NTNG2: variants seen among roughly 807,000 people sequenced by gnomAD.
NTNG2 encodes netrin-G2.
A neutral mutation model predicts 47.6 loss-of-function variants in NTNG2; 15 were observed. The observed-to-expected ratio is 0.32, with a 90% CI of 0.21 to 0.49. NTNG2 has a LOEUF of 0.49. Among genes scored for constraint, NTNG2 ranks in the 20% least tolerant of loss-of-function variants. NTNG2 has a pLI of 0.99. For missense variants in NTNG2, 578 were observed against 764.6 expected (o/e 0.76, Z 2.88); for synonymous variants, 307 against 324.6 (o/e 0.95, Z 0.58).
chr9:132,240,833 G>A, intron 6 of NTNG2, 77 bp from the exon 7 acceptor site: 1 of 1,599,340 alleles, frequency 6.3e-7, no homozygotes, highest in South Asian at 1.1e-5. Flanking sequence ...CTCCCTGCGA[G>A]GCCGGGAGAG....
Position 132,166,778 on chromosome 9 carries a change from C to G in NTNG2, c.-54C>G. On this transcript the variant is annotated 5_prime_UTR_variant, in exon 2 of 8. Transcript: ENST00000393229. ...TGAGGCCGCGAGTCCCGCCTGACCCCGTCGCTGCCTCTCCAGGGCTTCTCT... is the reference window on the plus strand; with the variant it reads ...TGAGGCCGCGAGTCCCGCCTGACCCGGTCGCTGCCTCTCCAGGGCTTCTCT... 2.6e-6 allele frequency: 4 copies of G among 1,565,178 alleles called. No homozygotes were observed. The highest frequency in any genetic ancestry group is 3.5e-6 in the Non-Finnish European group (4 of 1,140,518).
rs890407426 is a variant in NTNG2 at position 132,162,692 on chromosome 9, C to T, written c.-484+453C>T. On this transcript the variant is annotated intron_variant, in intron 1 of 7. Transcript: ENST00000393229. The surrounding 1 kb of genome is among the most constrained non-coding windows in gnomAD (Gnocchi z 4.6). ...TAACCCTGCTCCCGCGCCTCTCCCC[C>T]ACCCCAATTCCACCGCCACCGCTTA... Among the ~76,000 whole-genome samples the T allele has an allele frequency of 6.6e-6, 1 of 151,730 alleles. No individual in the cohort carries two copies. The highest frequency in any genetic ancestry group is 2.4e-5 in the African/African-American group (1 of 41,280).
At chr9:132,211,798 C>T (rs1186033632) in intron 3 of NTNG2, among the ~76,000 whole-genome samples, 1 of 152,198 alleles carries the variant, frequency 6.6e-6, no homozygotes, top group Non-Finnish European at 1.5e-5. Flanking sequence ...TGCACGTACA[C>T]GTCTGACACC....
intron 3 of NTNG2, among the ~76,000 whole-genome samples, chr9:132,219,341 A>G (rs554848588): frequency 2.0e-5 from 3 of 152,246 alleles, no homozygotes; most frequent in African/African-American, 4.8e-5. Flanking sequence ...GGGAGGCCCA[A>G]CTGGGAGGAT....
chr9:132,241,522 G>A (rs954926126), intron 7 of NTNG2: 1 of 351,218 alleles, frequency 2.8e-6, no homozygotes, highest in Non-Finnish European at 5.2e-6. Context: ...CGGGGACAGA[G>A]GGAGGGAGGC....
intron 2 of NTNG2, among the ~76,000 whole-genome samples, chr9:132,188,168 G>A (rs561851096): frequency 3.9e-5 from 6 of 152,328 alleles, no homozygotes; most frequent in African/African-American, 1.4e-4. Flanking sequence ...CCCCGTGCTC[G>A]AGTCCTGGCC....
chr9:132,216,408 CTCTCTCTGTGTGTGTGTGTATG>C (rs1476418715), intron 3 of NTNG2, among the ~76,000 whole-genome samples: 23 of 94,586 alleles, frequency 2.4e-4, no homozygotes, highest in African/African-American at 1.2e-3. Flanking sequence ...CTCTCTCTCT[CTCTCTCTGTGTGTGTGTGTATG>C]TGTGTGTGTG....
Position 132,208,617 on chromosome 9 carries a change from C to T in NTNG2, c.857+10008C>T, listed in dbSNP as rs1366372394. 6.6e-6 allele frequency among the ~76,000 whole-genome samples: 1 copy of T among 151,854 alleles called. No homozygotes were observed. The highest frequency in any genetic ancestry group is 2.4e-5 in the African/African-American group (1 of 41,318). On this transcript the variant is annotated intron_variant, in intron 3 of 7. Transcript: ENST00000393229. The surrounding 1 kb of genome is among the most constrained non-coding windows in gnomAD (Gnocchi z 4.0). Reference sequence around the variant, plus strand: ...GCTGATGGGAGCAGGCGGTGGGAGGCATCATGGAGGACTCCCAGGCATCTG... The same window carrying T: ...GCTGATGGGAGCAGGCGGTGGGAGGTATCATGGAGGACTCCCAGGCATCTG...
At chr9:132,209,412 A>C (rs1448713259) in intron 3 of NTNG2, among the ~76,000 whole-genome samples, 6 of 152,216 alleles carry the variant, frequency 3.9e-5, no homozygotes, top group Non-Finnish European at 1.5e-5. Flanking sequence ...CGCGGTGACG[A>C]TGACGCCCGC....
At chr9:132,207,346 G>C (rs951650045) in intron 3 of NTNG2, among the ~76,000 whole-genome samples, 2 of 152,180 alleles carry the variant, frequency 1.3e-5, no homozygotes, top group Non-Finnish European at 2.9e-5. Context: ...AGGGGAATCT[G>C]TCCCATACCC....
rs1589560365 is a variant in NTNG2 at position 132,236,285 on chromosome 9, G to A, written c.1055-2819G>A. The stretch of plus-strand genomic sequence containing the variant: ...GCCTGACAAAGTGGAAAATGTGTGG[G>A]TTAAAGGAGGGAGGGCGGGGTCCTG... On this transcript the variant is annotated intron_variant, in intron 5 of 7. Coordinates refer to ENST00000393229, the MANE Select transcript of NTNG2 (RefSeq NM_032536.4). This position sits in a 1 kb window ranked among gnomAD's most constrained non-coding sequence, Gnocchi z 4.3. Among the ~76,000 whole-genome samples the A allele has an allele frequency of 6.6e-6, 1 of 152,194 alleles. No homozygotes were observed. The highest frequency in any genetic ancestry group is 2.4e-5 in the African/African-American group (1 of 41,446).
intron 3 of NTNG2, among the ~76,000 whole-genome samples, chr9:132,205,677 T>C (rs1236979895): frequency 6.6e-6 from 1 of 151,962 alleles, no homozygotes; most frequent in Non-Finnish European, 1.5e-5. Context: ...GGTCAGGAGC[T>C]CAAGACCAGC....
chr9:132,163,289 C>T lies in NTNG2; in HGVS notation c.-484+1050C>T, dbSNP rs1178967739. On this transcript the variant is annotated intron_variant, in intron 1 of 7. Transcript: ENST00000393229. This position sits in a 1 kb window ranked among gnomAD's most constrained non-coding sequence, Gnocchi z 7.2. ...TCGACCCTGGCCCCGGCCTCGACCC[C>T]GCCCGCGGCCCGCCGGGACCCACCC... is the stretch of plus-strand genomic sequence containing the variant. Among the ~76,000 whole-genome samples, 4 of 151,940 alleles carry T rather than the reference C, an allele frequency of 2.6e-5. No homozygotes were observed. The highest frequency in any genetic ancestry group is 5.9e-5 in the Non-Finnish European group (4 of 67,924).
Position 132,216,414 on chromosome 9 carries a change from C to CTCTCTCTG in NTNG2, c.858-10434_858-10433insCTCTCTGT, listed in dbSNP as rs1554790515. The stretch of plus-strand genomic sequence containing the variant: ...TCTCTCTCTCTCTCTCTCTCTCTCT[C>CTCTCTCTG]TGTGTGTGTGTGTATGTGTGTGTGT... On this transcript the variant is annotated intron_variant, in intron 3 of 7. Coordinates refer to ENST00000393229, the MANE Select transcript of NTNG2 (RefSeq NM_032536.4). Among the ~76,000 whole-genome samples, 349 of 110,326 alleles carry CTCTCTCTG rather than the reference C, an allele frequency of 3.2e-3. 11 individuals carry two copies. The highest frequency in any genetic ancestry group is 0.015 in the African/African-American group (299 of 20,548). The allele number at this position is 110,326 out of a possible 152,430, so 72.4% of individuals were successfully genotyped here. A position where few individuals can be genotyped will look rare whatever the true frequency, so the allele number is the denominator to read the frequency against.
rs913422481 is a variant in NTNG2, at chr9:132,242,820, T to C, written c.*709T>C. 4.6e-5 allele frequency: 7 copies of C among 152,334 alleles called. No individual in the cohort carries two copies. The highest frequency in any genetic ancestry group is 4.6e-4 in the Admixed American group (7 of 15,282). The allele number at this position is 152,334 out of a possible 1,614,324, so 9.4% of individuals were successfully genotyped here. ...TGGAGAATCCGAGGAGTAAAGAGTT[T>C]GCTCACTGCTGCCTCCACGGCCTGT... On this transcript the variant is annotated 3_prime_UTR_variant, in exon 8 of 8. Transcript: ENST00000393229. This position sits in a 1 kb window ranked among gnomAD's most constrained non-coding sequence, Gnocchi z 5.9.
intron 2 of NTNG2, among the ~76,000 whole-genome samples, chr9:132,169,924 C>G (rs1835772655): frequency 6.6e-6 from 1 of 152,236 alleles, no homozygotes; most frequent in African/African-American, 2.4e-5. Context: ...GTGGAAGATG[C>G]AGGCTGGGGG....
rs1288585309 is a variant in NTNG2, at chr9:132,197,207, G to A, written c.214-759G>A. On this transcript the variant is annotated intron_variant, in intron 2 of 7. Coordinates refer to ENST00000393229, the MANE Select transcript of NTNG2 (RefSeq NM_032536.4). The surrounding 1 kb of genome is among the most constrained non-coding windows in gnomAD (Gnocchi z 4.3). ...AGTTCGAGACCAGCCTGGCCAACAT[G>A]GCGAAACCCTGTCTCTACTAAAAAC... 2.6e-5 allele frequency among the ~76,000 whole-genome samples: 4 copies of A among 152,106 alleles called. No homozygotes were observed. Among genetic ancestry groups the A allele is most frequent in the Non-Finnish European group, 5.9e-5 (4 of 68,030 alleles).
chr9:132,176,817 G>A (rs146564191), intron 2 of NTNG2, among the ~76,000 whole-genome samples: 72 of 152,270 alleles, frequency 4.7e-4, no homozygotes, highest in African/African-American at 1.5e-3. Context: ...AGCAATGTAC[G>A]AGAATGCCAG....
Position 132,163,062 on chromosome 9 carries a change from C to T in NTNG2, c.-484+823C>T, listed in dbSNP as rs966671053. On this transcript the variant is annotated intron_variant, in intron 1 of 7. Coordinates refer to ENST00000393229, the MANE Select transcript of NTNG2 (RefSeq NM_032536.4). This position sits in a 1 kb window ranked among gnomAD's most constrained non-coding sequence, Gnocchi z 7.2. Reference sequence around the variant, plus strand: ...GCAAAGGATACAGCCAGTTCCTGGGCGCCCTGCTCTGTGTCTTTTAATTAA... The same window carrying T: ...GCAAAGGATACAGCCAGTTCCTGGGTGCCCTGCTCTGTGTCTTTTAATTAA... Among the ~76,000 whole-genome samples, 2 of 152,152 alleles carry T rather than the reference C, an allele frequency of 1.3e-5. No homozygotes were observed. Among genetic ancestry groups the T allele is most frequent in the African/African-American group, 4.8e-5 (2 of 41,442 alleles).
Sources: gnomAD v4.1 joint callset for allele counts (sites outside exome capture counted in the v4.1 genomes callset) on GRCh38, gnomAD v4.1.1 for gene constraint, Gnocchi (gnomAD v3.1) non-coding constraint, MANE v1.5 for transcripts, NCBI Gene and HGNC (gene_info 2026-07-23, HGNC 2026-07-21) for gene names.